Variants in BCL3 observed in about 807,000 individuals in gnomAD.
BCL3 encodes the protein BCL3 transcription coactivator.
In BCL3, 15 loss-of-function variants were observed where a neutral mutation model predicts 35.7. The ratio of observed to expected loss-of-function variants is 0.42; its 90% CI spans 0.28 to 0.65. The LOEUF (loss-of-function observed/expected upper bound fraction) is 0.65, where lower values mean the gene tolerates loss of function less well. Ranked by LOEUF, BCL3 falls within the 30% of genes least tolerant of loss-of-function variation. The pLI, the probability that BCL3 is intolerant of heterozygous loss-of-function variation, is 0.22. For missense variants in BCL3, 565 were observed against 641.7 expected (o/e 0.88, Z 1.29); for synonymous variants, 311 against 284.3 (o/e 1.09, Z -0.95).
chr19:44,758,686 G>T, intron 7 of BCL3, 38 bp from the exon 8 acceptor site: 1 of 1,512,444 alleles, frequency 6.6e-7, no homozygotes, highest in Non-Finnish European at 9.0e-7. Context: ...GGACTGTGAG[G>T]CATGGGTGGC....
rs1401800923 is a variant in BCL3, at chr19:44,757,787, T to TCAGCCCCTAGCTCTGACCC, written c.891+66_891+84dup. ...CTCTGACCCCAACCCGGCTCTGGCC[T>TCAGCCCCTAGCTCTGACCC]CAGCCCCTAGCTCTGACCCCGCCTT... is the stretch of plus-strand genomic sequence containing the variant. On this transcript the variant is annotated intron_variant, in intron 6 of 8. Transcript: ENST00000164227. The surrounding 1 kb of genome is among the most constrained non-coding windows in gnomAD (Gnocchi z 8.4). The TCAGCCCCTAGCTCTGACCC allele has an allele frequency of 4.6e-6, 7 of 1,517,612 alleles. No homozygotes were observed. The East Asian group carries it at 1.6e-4, about 35-fold the overall frequency. 94.0% of individuals were successfully genotyped at this position (1,517,612 alleles called of 1,614,324 possible). A position where few individuals can be genotyped will look rare whatever the true frequency, so the allele number is the denominator to read the frequency against.
At position 44,758,856 on chromosome 19, in the gene BCL3, C is replaced by T; in HGVS notation, c.1177+15C>T. ...CAGCTCCAATGGTGAGAAACCGTTC[C>T]CAACCTCCAGCCCTGGCGCCTCCTC... On this transcript the variant is annotated intron_variant, in intron 8 of 8. Transcript: ENST00000164227. The T allele has an allele frequency of 6.4e-7, 1 of 1,569,374 alleles. No homozygotes were observed. Among genetic ancestry groups the T allele is most frequent in the Non-Finnish European group, 8.6e-7 (1 of 1,158,828 alleles).
At chr19:44,748,572 C>T, upstream of BCL3, 1 of 407,422 alleles carries the variant, frequency 2.5e-6, no homozygotes, top group Non-Finnish European at 3.4e-6. Context: ...GCAGGCTGCA[C>T]CTCAGAGCGG....
At chr19:44,752,053 T>C (rs1456009214) in intron 2 of BCL3, among the ~76,000 whole-genome samples, 6 of 150,618 alleles carry the variant, frequency 4.0e-5, no homozygotes, top group African/African-American at 1.5e-4. Context: ...TTTGTTAATA[T>C]TACTATTATT....
chr19:44,748,215 G>C, upstream of BCL3: 1 of 542,116 alleles, frequency 1.8e-6, no homozygotes, highest in South Asian at 1.9e-5. Flanking sequence ...CTGAGAGGCA[G>C]AGAGATGGTG....
At chr19:44,750,453 C>G (rs1967156803) in intron 1 of BCL3, among the ~76,000 whole-genome samples, 1 of 152,046 alleles carries the variant, frequency 6.6e-6, no homozygotes, top group Non-Finnish European at 1.5e-5. Context: ...CATGCACCAC[C>G]ACACCTGGCT....
intron 2 of BCL3, 128 bp from the exon 3 acceptor site, chr19:44,756,104 G>A: frequency 5.3e-6 from 3 of 566,880 alleles, no homozygotes; most frequent in East Asian, 3.6e-5. Context: ...AGTGGGTGGG[G>A]AGAAGTGTTT....
intron 2 of BCL3, among the ~76,000 whole-genome samples, chr19:44,752,856 A>G (rs764862414): frequency 6.6e-6 from 1 of 152,174 alleles, no homozygotes; most frequent in African/African-American, 2.4e-5. Flanking sequence ...GGAAGAAATG[A>G]CATGATTTAT....
At position 44,748,879 on chromosome 19, in the gene BCL3, T is replaced by A; in HGVS notation, c.89T>A (p.Leu30Gln). The A allele has an allele frequency of 9.0e-7, 1 of 1,114,390 alleles. No individual in the cohort carries two copies. The highest frequency in any genetic ancestry group is 1.1e-6 in the Non-Finnish European group (1 of 915,498). 69.0% of individuals were successfully genotyped at this position (1,114,390 alleles called of 1,614,324 possible). Residue 30 changes from leucine to glutamine, a missense_variant, in exon 1 of 9, where the codon CTG (leucine) becomes CAG (glutamine). Around this residue, in one of 5 missense-constraint regions of BCL3, gnomAD observed 267 missense variants for 281.5 expected, o/e 0.95. Coordinates refer to ENST00000164227, the MANE Select transcript of BCL3 (RefSeq NM_005178.5). Reference protein sequence around the residue: ...PKAAGLPGAALPLRKRPLRAP... With the variant: ...PKAAGLPGAAQPLRKRPLRAP... ...GCCGCCGGACTCCCGGGCGCCGCGC[T>A]GCCGCTCCGCAAGCGCCCGCTGCGC...
rs1392607073 is a variant in BCL3 at position 44,757,395 on chromosome 19, G to A, written c.793G>A (p.Gly265Ser). 1 of 1,602,698 alleles carries A rather than the reference G, an allele frequency of 6.2e-7. No individual in the cohort carries two copies. The highest frequency in any genetic ancestry group is 8.5e-7 in the Non-Finnish European group (1 of 1,174,858). ...AACCGTGCAGCTCTTGCTAGAGCGCGGTGCCGACATCGACGCAGTGGTGAG... is the reference window on the plus strand; with the variant it reads ...AACCGTGCAGCTCTTGCTAGAGCGCAGTGCCGACATCGACGCAGTGGTGAG... ...QETVQLLLERGADIDAVDIKS... is the reference protein window; with the variant it reads ...QETVQLLLERSADIDAVDIKS... The change falls in exon 5 of 9, where the codon GGT (glycine) becomes AGT (serine). Residue 265 changes from glycine to serine, a missense_variant. Coordinates refer to ENST00000164227, the MANE Select transcript of BCL3 (RefSeq NM_005178.5). This position sits in a 1 kb window ranked among gnomAD's most constrained non-coding sequence, Gnocchi z 8.4.
rs772675314 is a variant in BCL3, at chr19:44,758,816, G to A, written c.1152G>A (p.Glu384=). ...ACCGGAGCGCCAACACCTCCCCCGA[G>A]AGCAGCAGCCGCCTCAGCTCCAATG... The part of the protein sequence containing the change: ...SPDRSANTSP[E]SSSRLSSNGL... The change falls in exon 8 of 9, where the codon GAG becomes GAA. Residue 384 remains glutamate, a synonymous_variant. Transcript: ENST00000164227. The A allele has an allele frequency of 2.5e-6, 4 of 1,603,450 alleles. No individual in the cohort carries two copies. In the South Asian group the frequency reaches 4.5e-5, roughly 18 times the overall value.
chr19:44,759,328 C>T, intron 8 of BCL3, 100 bp from the exon 9 acceptor site: 1 of 892,952 alleles, frequency 1.1e-6, no homozygotes, highest in South Asian at 1.5e-5. Flanking sequence ...AGTCCAGACC[C>T]CCAGCCCCTC....
chr19:44,752,272 C>T (rs1405973627), intron 2 of BCL3, among the ~76,000 whole-genome samples: 1 of 151,136 alleles, frequency 6.6e-6, no homozygotes. Flanking sequence ...GCAATCATAG[C>T]TCACTGCAGC....
chr19:44,751,317 C>T lies in BCL3; in HGVS notation c.347C>T (p.Pro116Leu). 6.2e-7 allele frequency: 1 copy of T among 1,607,600 alleles called. No individual in the cohort carries two copies. Among genetic ancestry groups the T allele is most frequent in the Non-Finnish European group, 8.5e-7 (1 of 1,177,950 alleles). ...ACACCCCTATACCCCATGATGTGCC[C>T]CATGGAACACCCCCTTTCTGCTGAC... ...LPTPLYPMMC[P>L]MEHPLSADIA... The change falls in exon 2 of 9, where the codon CCC becomes CTC. Residue 116 changes from proline to leucine, a missense_variant. By Grantham distance (98) the Pro-to-Leu change is moderately conservative. Transcript: ENST00000164227.
In BCL3 at chr19:44,757,155, T is replaced by C; in HGVS notation, c.658T>C (p.Cys220Arg). ...HLACEHRSPT[C>R]LRALLDSAAP... is the part of the protein sequence containing the mutation. ...GGCGTGCGAGCACCGCAGCCCGACC[T>C]GCCTGCGAGCCCTGCTGGACAGCGC... Residue 220 changes from cysteine (C) to arginine (R), a missense_variant, in exon 4 of 9, where the codon TGC becomes CGC. Cys to Arg is a radical substitution (Grantham distance 180, BLOSUM62 -3). Transcript: ENST00000164227. This position sits in a 1 kb window ranked among gnomAD's most constrained non-coding sequence, Gnocchi z 8.4. 1 of 1,587,982 alleles carries C rather than the reference T, an allele frequency of 6.3e-7. No homozygotes were observed. Among genetic ancestry groups the C allele is most frequent in the Non-Finnish European group, 8.6e-7 (1 of 1,167,580 alleles).
chr19:44,751,858 C>T (rs1172123359), intron 2 of BCL3, among the ~76,000 whole-genome samples: 1 of 152,224 alleles, frequency 6.6e-6, no homozygotes, highest in Admixed American at 6.5e-5. Flanking sequence ...TCGCCTTGGC[C>T]TCCCAAAGTG....
rs1030986948 is a variant in BCL3 at position 44,748,876 on chromosome 19, C to A, written c.86C>A (p.Ala29Glu). Residue 29 changes from alanine (A) to glutamate (E), a missense_variant, in exon 1 of 9, where the codon GCG (alanine) becomes GAG (glutamate). Ala to Glu is a moderately radical substitution (Grantham distance 107, BLOSUM62 -1). Around this residue, in one of 5 missense-constraint regions of BCL3, gnomAD observed 267 missense variants for 281.5 expected, o/e 0.95. Coordinates refer to ENST00000164227, the MANE Select transcript of BCL3 (RefSeq NM_005178.5). Reference sequence around the variant, plus strand: ...AAGGCCGCCGGACTCCCGGGCGCCGCGCTGCCGCTCCGCAAGCGCCCGCTG... The same window carrying A: ...AAGGCCGCCGGACTCCCGGGCGCCGAGCTGCCGCTCCGCAAGCGCCCGCTG... Reference protein sequence around the residue: ...RPKAAGLPGAALPLRKRPLRA... With the variant: ...RPKAAGLPGAELPLRKRPLRA... The A allele has an allele frequency of 9.0e-7, 1 of 1,110,886 alleles. No individual in the cohort carries two copies. The highest frequency in any genetic ancestry group is 5.1e-5 in the Admixed American group (1 of 19,724). The allele number at this position is 1,110,886 out of a possible 1,614,324, so 68.8% of individuals were successfully genotyped here.
chr19:44,750,595 G>A (rs531401756), intron 1 of BCL3, among the ~76,000 whole-genome samples: 19 of 152,286 alleles, frequency 1.2e-4, no homozygotes, highest in Admixed American at 2.0e-4. Context: ...CACAGCGCCC[G>A]GCCTGCCGTG....
chr19:44,754,700 AG>A (rs200869565), intron 2 of BCL3, among the ~76,000 whole-genome samples: 1,590 of 152,308 alleles, frequency 0.01, 27 homozygotes, highest in South Asian at 0.06. Context: ...GATGCAGAGA[AG>A]GGGGGACCCT....
Sources: gnomAD v4.1 joint callset for allele counts (sites outside exome capture counted in the v4.1 genomes callset) on GRCh38, gnomAD v4.1.1 for gene constraint, gnomAD v4.1.1 regional missense constraint, Gnocchi (gnomAD v3.1) non-coding constraint, MANE v1.5 for transcripts, NCBI Gene and HGNC (gene_info 2026-07-23, HGNC 2026-07-21) for gene names.